Variants in MZT2B observed in about 807,000 individuals in gnomAD.
MZT2B encodes mitotic spindle organizing protein 2B.
A neutral mutation model predicts 12.1 loss-of-function variants in MZT2B; 11 were observed. The observed-to-expected ratio is 0.91, with a 90% CI of 0.57 to 1.50. The LOEUF (loss-of-function observed/expected upper bound fraction) is 1.50. Among genes scored for constraint, MZT2B ranks in the 40% most tolerant of loss-of-function variants. MZT2B has a pLI of 0.00. For missense variants in MZT2B, 209 were observed against 227.7 expected (o/e 0.92, Z 0.53); for synonymous variants, 85 against 109.5 (o/e 0.78, Z 1.40).
At chr2:130,183,869 G>C (rs1291629020) in intron 2 of MZT2B, 1 of 1,550,500 alleles carries the variant, frequency 6.4e-7, no homozygotes, top group Non-Finnish European at 8.7e-7. Context: ...CGGCCTCTCC[G>C]GTTCTGCTCC....
downstream of MZT2B, chr2:130,194,052 G>T: frequency 6.2e-7 from 1 of 1,614,160 alleles, no homozygotes; most frequent in Non-Finnish European, 8.5e-7. Flanking sequence ...AAGTGGATGC[G>T]GGGGTACGGC....
chr2:130,190,483 A>G lies in MZT2B; in HGVS notation c.334A>G (p.Ser112Gly), dbSNP rs144285530. Residue 112 changes from serine to glycine, a missense_variant, in exon 3 of 3, where the codon AGC becomes GGC. By Grantham distance (56) the Ser-to-Gly change is moderately conservative. Transcript: ENST00000281871. Reference sequence around the variant, plus strand: ...TGTCTCCTCAGGGAGAAACAAAGGCAGCGCTGCCCTCGGGGGAGCATTGGC... The same window carrying G: ...TGTCTCCTCAGGGAGAAACAAAGGCGGCGCTGCCCTCGGGGGAGCATTGGC... ...VPETRGRNKG[S>G]AALGGALALA... 254 of 1,613,590 alleles carry G rather than the reference A, an allele frequency of 1.6e-4. 1 individual carries two copies. The African/African-American group carries it at 2.9e-3, about 19-fold the overall frequency.
the MZT2B span, among the ~76,000 whole-genome samples, chr2:130,199,247 G>A: frequency 8.2e-6 from 1 of 121,266 alleles, no homozygotes; most frequent in East Asian, 2.6e-4. Flanking sequence ...CAAAATTAAC[G>A]TAAGTGGAGA....
downstream of MZT2B, among the ~76,000 whole-genome samples, chr2:130,191,172 GA>G (rs1417111421): frequency 1.3e-5 from 2 of 152,066 alleles, no homozygotes; most frequent in Non-Finnish European, 2.9e-5. Context: ...GGTTGGTCTC[GA>G]TCTCCCACCT....
chr2:130,185,962 A>G (rs925968184), intron 2 of MZT2B, among the ~76,000 whole-genome samples: 1 of 152,002 alleles, frequency 6.6e-6, no homozygotes, highest in Non-Finnish European at 1.5e-5. Context: ...GTGGAACCTG[A>G]GGAGGAGGTG....
chr2:130,181,731 G>A, upstream of MZT2B: 1 of 1,548,836 alleles, frequency 6.5e-7, no homozygotes, highest in South Asian at 1.2e-5. Flanking sequence ...GGCGAGGCAG[G>A]AGTGCGGGGG....
the MZT2B span, chr2:130,204,140 A>G: frequency 1.7e-5 from 22 of 1,266,502 alleles, no homozygotes; most frequent in Non-Finnish European, 2.1e-5. Flanking sequence ...TGTTAAGCAA[A>G]CATAAAACAT....
At chr2:130,182,165 C>T (rs1472837656), upstream of MZT2B, 5 of 1,265,070 alleles carry the variant, frequency 4.0e-6, no homozygotes, top group Admixed American at 4.0e-5. Flanking sequence ...CCCGCGCTCC[C>T]GCCCCTCCCG....
intron 2 of MZT2B, among the ~76,000 whole-genome samples, chr2:130,189,749 A>G (rs1017353466): frequency 2.8e-4 from 43 of 152,364 alleles, no homozygotes; most frequent in African/African-American, 9.9e-4. Flanking sequence ...TTTCTTGGCT[A>G]TCTTAAAGAG....
At chr2:130,191,044 G>C (rs1690246584), downstream of MZT2B, among the ~76,000 whole-genome samples, 1 of 152,070 alleles carries the variant, frequency 6.6e-6, no homozygotes, top group Non-Finnish European at 1.5e-5. Flanking sequence ...CCGCCTCCTG[G>C]GTTCACGCCA....
In MZT2B at chr2:130,190,597, G is replaced by A; in HGVS notation, c.448G>A (p.Gly150Arg). 1.2e-6 allele frequency: 2 copies of A among 1,612,876 alleles called. No homozygotes were observed. The highest frequency in any genetic ancestry group is 1.7e-6 in the Non-Finnish European group (2 of 1,179,344). ...CAGGCTGCCCAAGGGGGGCGGGCCT[G>A]GGAAGAGCCCTACACGGGGCAGCAC... Reference protein sequence around the residue: ...ATRLPKGGGPGKSPTRGST With the variant: ...ATRLPKGGGPRKSPTRGST Residue 150 changes from glycine to arginine, a missense_variant, in exon 3 of 3, where the codon GGG (glycine) becomes AGG (arginine). By Grantham distance (125) the Gly-to-Arg change is moderately radical. Coordinates refer to ENST00000281871, the MANE Select transcript of MZT2B (RefSeq NM_025029.5).
At chr2:130,190,749 T>TG (rs1553444069), downstream of MZT2B, 56 of 1,400,452 alleles carry the variant, frequency 4.0e-5, no homozygotes, top group Middle Eastern at 1.0e-3. Flanking sequence ...CCGTTTTTTT[T>TG]TTTTGTTTTT....
At chr2:130,202,260 T>C in the MZT2B span, 3 of 1,243,402 alleles carry the variant, frequency 2.4e-6, no homozygotes, top group Non-Finnish European at 2.1e-6. Flanking sequence ...GCTAACAACG[T>C]TTACATATAG....
At chr2:130,194,374 C>T, downstream of MZT2B, 3 of 1,613,238 alleles carry the variant, frequency 1.9e-6, no homozygotes, top group Non-Finnish European at 1.7e-6. Flanking sequence ...CCACTGAGAG[C>T]CGCTCCATGA....
At chr2:130,183,286 TC>T (rs1689868350) in intron 2 of MZT2B, 1 of 273,316 alleles carries the variant, frequency 3.7e-6, no homozygotes, top group Non-Finnish European at 7.1e-6. Flanking sequence ...GCAGAGGTCT[TC>T]CTGCCTTTAC....
chr2:130,195,994 T>C, the MZT2B span, among the ~76,000 whole-genome samples: 1 of 152,228 alleles, frequency 6.6e-6, no homozygotes, highest in Non-Finnish European at 1.5e-5. Flanking sequence ...GACACTTTCA[T>C]CACAAACCTT....
chr2:130,182,229 G>C, upstream of MZT2B: 2 of 1,229,170 alleles, frequency 1.6e-6, no homozygotes, highest in South Asian at 6.9e-5. Flanking sequence ...GGTGGTGGGC[G>C]CAGCCGCTAG....
chr2:130,188,544 C>T (rs1373825816), intron 2 of MZT2B, among the ~76,000 whole-genome samples: 4 of 152,188 alleles, frequency 2.6e-5, no homozygotes, highest in South Asian at 2.1e-4. Flanking sequence ...TCACCCACCA[C>T]GTGTTCCTGA....
chr2:130,188,586 A>G (rs1293308721), intron 2 of MZT2B, among the ~76,000 whole-genome samples: 2 of 151,908 alleles, frequency 1.3e-5, no homozygotes, highest in Non-Finnish European at 2.9e-5. Flanking sequence ...GGCAACCCTG[A>G]CTCCATCTTT....
Sources: gnomAD v4.1 joint callset for allele counts (sites outside exome capture counted in the v4.1 genomes callset) on GRCh38, gnomAD v4.1.1 for gene constraint, MANE v1.5 for transcripts, NCBI Gene and HGNC (gene_info 2026-07-23, HGNC 2026-07-21) for gene names.